B4GALT2: variants seen among roughly 807,000 people sequenced by gnomAD.
B4GALT2 encodes beta-1,4-galactosyltransferase 2, also known as N-acetyllactosamine synthase.
B4GALT2 carries 18 observed loss-of-function variants against 33.2 expected under a neutral mutation model. The observed-to-expected ratio is 0.54, with a 90% CI of 0.38 to 0.80. B4GALT2 has a LOEUF of 0.80. B4GALT2 is among the 30% of genes least tolerant of loss of function. The probability of loss-of-function intolerance (pLI) is 0.00; values close to 1 mark genes in which losing one functional copy is unlikely to be tolerated. For synonymous variants in B4GALT2, 214 were observed against 217.6 expected (o/e 0.98, Z 0.15); for missense variants, 404 against 526.2 (o/e 0.77, Z 2.27).
chr1:43,986,453 C>T (rs2085660262), intron 6 of B4GALT2, among the ~76,000 whole-genome samples: 1 of 152,150 alleles, frequency 6.6e-6, no homozygotes, highest in Non-Finnish European at 1.5e-5. Flanking sequence ...TTGCCTCACA[C>T]CTACCTTGGG....
intron 6 of B4GALT2, 41 bp from the exon 7 acceptor site, chr1:43,990,257 C>T (rs765071089): frequency 6.2e-7 from 1 of 1,604,156 alleles, no homozygotes; most frequent in South Asian, 1.1e-5. Flanking sequence ...TTTTAGTTTA[C>T]AGTTGTTAGC....
At chr1:43,985,906 CTAAA>C (rs2085654090) in intron 6 of B4GALT2, 1 of 504,688 alleles carries the variant, frequency 2.0e-6, no homozygotes, top group South Asian at 2.2e-5. Flanking sequence ...ATGTCAGGGC[CTAAA>C]TAGTCATTGA....
At chr1:43,985,236 C>T (rs756660227) in intron 4 of B4GALT2, 42 bp from the exon 5 acceptor site, 1 of 1,586,748 alleles carries the variant, frequency 6.3e-7, no homozygotes. Context: ...CCCCTGGAGT[C>T]CCCTTGGGAC....
chr1:43,986,812 G>A (rs1188975136), intron 6 of B4GALT2, among the ~76,000 whole-genome samples: 1 of 152,226 alleles, frequency 6.6e-6, no homozygotes, highest in Non-Finnish European at 1.5e-5. Flanking sequence ...GCTTCAGGAA[G>A]GCGAAAGCCT....
In B4GALT2 at chr1:43,984,960, C is replaced by T. The variant is rs371930159; in HGVS notation, c.645C>T (p.Ser215=). 83 of 1,613,926 alleles carry T rather than the reference C, an allele frequency of 5.1e-5. No homozygotes were observed. The Admixed American group carries it at 6.3e-4, about 12-fold the overall frequency. ...EDAAYDCFIF[S]DVDLVPMDDR... ...CCGCCTATGACTGCTTCATCTTCAGCGATGTGGACCTGGTCCCCATGGATG... is the reference window on the plus strand; with the variant it reads ...CCGCCTATGACTGCTTCATCTTCAGTGATGTGGACCTGGTCCCCATGGATG... The change falls in exon 4 of 7, where the codon AGC becomes AGT. Residue 215 remains serine (S), a synonymous_variant. Coordinates refer to ENST00000372324, the MANE Select transcript of B4GALT2 (RefSeq NM_003780.5). The surrounding 1 kb of genome is among the most constrained non-coding windows in gnomAD (Gnocchi z 5.6).
At chr1:43,983,508 A>G (rs2085623472) in intron 3 of B4GALT2, among the ~76,000 whole-genome samples, 1 of 152,202 alleles carries the variant, frequency 6.6e-6, no homozygotes, top group Non-Finnish European at 1.5e-5. Flanking sequence ...TTTAGCAACA[A>G]GGTGGGCCCA....
chr1:43,985,324 G>GTT lies in B4GALT2; in HGVS notation c.787_788insTT (p.Ala263ValfsTer5). 6.2e-7 allele frequency: 1 copy of GTT among 1,613,034 alleles called. No homozygotes were observed. Among genetic ancestry groups the GTT allele is most frequent in the South Asian group, 1.1e-5 (1 of 91,002 alleles). ...TGGAGGTGTGTCAGGCCTGAGTAAG[G>GTT]CTCAGTTTCTGAGAATCAATGGCTT... On this transcript the variant is annotated frameshift_variant, in exon 5 of 7. Transcript: ENST00000372324. LOFTEE classifies it high-confidence loss of function.
chr1:43,986,836 GGT>G, intron 6 of B4GALT2, among the ~76,000 whole-genome samples: 1 of 152,348 alleles, frequency 6.6e-6, no homozygotes, highest in African/African-American at 2.4e-5. Context: ...ATAGCCGCTG[GGT>G]GGAGCAGGAG....
chr1:43,983,979 C>T (rs981931771), intron 3 of B4GALT2, among the ~76,000 whole-genome samples: 1 of 152,204 alleles, frequency 6.6e-6, no homozygotes, highest in Non-Finnish European at 1.5e-5. Flanking sequence ...CCGATCCCCT[C>T]TCCAGGAACC....
At chr1:43,985,142 T>C in intron 4 of B4GALT2, 87 bp downstream of exon 4, 3 of 1,576,888 alleles carry the variant, frequency 1.9e-6, no homozygotes, top group South Asian at 1.2e-5. Flanking sequence ...CGCTTGCTCC[T>C]GGCTGTGGCC....
In B4GALT2 at chr1:43,984,425, G is replaced by A. The variant is rs1157844562; in HGVS notation, c.550-440G>A. Among the ~76,000 whole-genome samples the A allele has an allele frequency of 6.6e-6, 1 of 152,272 alleles. No homozygotes were observed. Among genetic ancestry groups the A allele is most frequent in the Non-Finnish European group, 1.5e-5 (1 of 68,048 alleles). Reference sequence around the variant, plus strand: ...CGCCACAGGGCATGTTTGAATGAGTGAATGAGATGAGAACTCCACCTGACG... The same window carrying A: ...CGCCACAGGGCATGTTTGAATGAGTAAATGAGATGAGAACTCCACCTGACG... On this transcript the variant is annotated intron_variant, in intron 3 of 6. Coordinates refer to ENST00000372324, the MANE Select transcript of B4GALT2 (RefSeq NM_003780.5). This position sits in a 1 kb window ranked among gnomAD's most constrained non-coding sequence, Gnocchi z 5.6.
chr1:43,988,044 C>A (rs781090819), intron 6 of B4GALT2, among the ~76,000 whole-genome samples: 2 of 152,186 alleles, frequency 1.3e-5, no homozygotes, highest in African/African-American at 2.4e-5. Flanking sequence ...ATGGCCATGG[C>A]AGTAGCCTTG....
chr1:43,983,461 T>C (rs955451833), intron 3 of B4GALT2, among the ~76,000 whole-genome samples: 18 of 148,948 alleles, frequency 1.2e-4, no homozygotes, highest in African/African-American at 4.0e-4. Flanking sequence ...ACTGTGGGGG[T>C]GTGAGGAGGG....
At chr1:43,985,864 C>G in intron 6 of B4GALT2, 1 of 579,396 alleles carries the variant, frequency 1.7e-6, no homozygotes, top group Non-Finnish European at 3.1e-6. Context: ...TCTCTGACCT[C>G]TGGCCTGATT....
At position 43,985,520 on chromosome 1, in the gene B4GALT2, C is replaced by T. The variant is rs1557652268; in HGVS notation, c.867C>T (p.Ile289=). 1.2e-6 allele frequency: 2 copies of T among 1,612,932 alleles called. No homozygotes were observed. Among genetic ancestry groups the T allele is most frequent in the East Asian group, 2.2e-5 (1 of 44,828 alleles). The change falls in exon 6 of 7, where the codon ATC becomes ATT. Residue 289 remains isoleucine, a synonymous_variant. Coordinates refer to ENST00000372324, the MANE Select transcript of B4GALT2 (RefSeq NM_003780.5). ...GGEDDDIFNR[I]SLTGMKISRP... is the part of the protein sequence containing the mutation. ...GTCTGTCCGTCCCCATCCTCAGGAT[C>T]TCCCTGACTGGGATGAAGATCTCAC...
At chr1:43,980,378 G>A in intron 1 of B4GALT2, 1 of 308,102 alleles carries the variant, frequency 3.2e-6, no homozygotes, top group Non-Finnish European at 5.4e-6. Flanking sequence ...TGGCTTTGAG[G>A]TCTTAAGTGA....
Position 43,979,991 on chromosome 1 carries a change from GCTGT to G in B4GALT2, c.-53+484_-53+487del. ...TGTCTGCACGTGGGTCTGGGTGTGA[GCTGT>G]CTGAGAGTCTGGATGTATGGCTGTG... On this transcript the variant is annotated intron_variant, in intron 1 of 6. Transcript: ENST00000372324. The surrounding 1 kb of genome is among the most constrained non-coding windows in gnomAD (Gnocchi z 4.8). 6.5e-7 allele frequency: 1 copy of G among 1,527,044 alleles called. No individual in the cohort carries two copies. The highest frequency in any genetic ancestry group is 8.8e-7 in the Non-Finnish European group (1 of 1,142,438). 94.6% of individuals were successfully genotyped at this position (1,527,044 alleles called of 1,614,324 possible). A position where few individuals can be genotyped will look rare whatever the true frequency, so the allele number is the denominator to read the frequency against.
chr1:43,986,952 T>C (rs1028940179), intron 6 of B4GALT2, among the ~76,000 whole-genome samples: 2 of 152,034 alleles, frequency 1.3e-5, no homozygotes, highest in Non-Finnish European at 2.9e-5. Flanking sequence ...CAGGAGGGTT[T>C]TTCTACTCTG....
chr1:43,990,213 T>C, intron 6 of B4GALT2, 85 bp from the exon 7 acceptor site: 1 of 1,540,196 alleles, frequency 6.5e-7, no homozygotes, highest in Non-Finnish European at 8.9e-7. Context: ...CAAAAGGGGG[T>C]CCATTTAGTT....
Sources: gnomAD v4.1 joint callset for allele counts (sites outside exome capture counted in the v4.1 genomes callset) on GRCh38, gnomAD v4.1.1 for gene constraint, Gnocchi (gnomAD v3.1) non-coding constraint, MANE v1.5 for transcripts, NCBI Gene and HGNC (gene_info 2026-07-23, HGNC 2026-07-21) for gene names.